Variants in PRKD1 observed in about 807,000 individuals in gnomAD.
PRKD1 encodes serine/threonine-protein kinase D1.
Under a neutral mutation model 95.9 loss-of-function variants are expected in PRKD1, and 63 were observed. The observed-to-expected ratio is 0.66, with a 90% CI of 0.54 to 0.81. The LOEUF is 0.81. PRKD1 is among the 30% of genes least tolerant of loss of function. The probability of loss-of-function intolerance (pLI) is 0.00; values close to 1 mark genes in which losing one functional copy is unlikely to be tolerated. For synonymous variants in PRKD1, 425 were observed against 423.1 expected (o/e 1.00, Z -0.05); for missense variants, 1,048 against 1,165.3 (o/e 0.90, Z 1.47).
intron 2 of PRKD1, among the ~76,000 whole-genome samples, chr14:29,707,132 T>A (rs1885129524): frequency 6.6e-6 from 1 of 152,138 alleles, no homozygotes; most frequent in South Asian, 2.1e-4. Flanking sequence ...AGAAGTCAAA[T>A]CACAAACAAT....
At chr14:29,749,637 G>A (rs899329752) in intron 1 of PRKD1, among the ~76,000 whole-genome samples, 1 of 152,140 alleles carries the variant, frequency 6.6e-6, no homozygotes, top group African/African-American at 2.4e-5. Flanking sequence ...CCTTATCCAT[G>A]TGTATATAAA....
rs1566672106 is a variant in PRKD1 at position 29,919,986 on chromosome 14, A to AGAGAGAGAGAGAG, written c.264+7262_264+7263insCTCTCTCTCTCTC. ...TGAGAAAGAGAGAGAGAGAGAGAGA[A>AGAGAGAGAGAGAG]AGAGAGGAAGGAAGGTAGGAAGGAA... On this transcript the variant is annotated intron_variant, in intron 1 of 17. Coordinates refer to ENST00000331968, the MANE Select transcript of PRKD1 (RefSeq NM_002742.3). Among the ~76,000 whole-genome samples the AGAGAGAGAGAGAG allele has an allele frequency of 4.6e-3, 656 of 142,736 alleles. 18 individuals carry two copies. Among genetic ancestry groups the AGAGAGAGAGAGAG allele is most frequent in the African/African-American group, 0.016 (614 of 37,968 alleles). The allele number at this position is 142,736 out of a possible 152,430, so 93.6% of individuals were successfully genotyped here. A position where few individuals can be genotyped will look rare whatever the true frequency, so the allele number is the denominator to read the frequency against.
chr14:29,611,521 T>C (rs192838105), intron 13 of PRKD1, among the ~76,000 whole-genome samples: 1 of 152,134 alleles, frequency 6.6e-6, no homozygotes. Context: ...CCTGAATGCA[T>C]GCATCCCAGT....
intron 2 of PRKD1, among the ~76,000 whole-genome samples, chr14:29,718,453 T>C (rs557712711): frequency 6.6e-6 from 1 of 152,274 alleles, no homozygotes; most frequent in East Asian, 1.9e-4. Flanking sequence ...CTTTATAAAT[T>C]ACCCAGTCTC....
chr14:29,598,463 C>A (rs1372428793), intron 15 of PRKD1, among the ~76,000 whole-genome samples: 4 of 152,016 alleles, frequency 2.6e-5, no homozygotes, highest in Non-Finnish European at 5.9e-5. Flanking sequence ...ATGACCTTCA[C>A]TCAAGCGCTT....
chr14:29,741,693 C>T (rs1228721077), intron 1 of PRKD1, among the ~76,000 whole-genome samples: 3 of 152,046 alleles, frequency 2.0e-5, no homozygotes, highest in African/African-American at 4.8e-5. Context: ...TACAGCTCCA[C>T]ATGATTTCTA....
intron 1 of PRKD1, among the ~76,000 whole-genome samples, chr14:29,911,883 G>A (rs972924552): frequency 5.3e-5 from 8 of 152,104 alleles, no homozygotes; most frequent in African/African-American, 1.7e-4. Flanking sequence ...TATGTTCCTT[G>A]GCTCATGAGC....
At chr14:29,825,122 T>C (rs1891059429) in intron 1 of PRKD1, among the ~76,000 whole-genome samples, 1 of 152,098 alleles carries the variant, frequency 6.6e-6, no homozygotes. Flanking sequence ...CAGTTTTCCT[T>C]AATGTGGAAT....
rs527446698 is a variant in PRKD1, at chr14:29,777,483, G to A, written c.265-51809C>T. Among the ~76,000 whole-genome samples, 1,449 of 152,194 alleles carry A rather than the reference G, an allele frequency of 9.5e-3. 8 individuals carry two copies. The highest frequency in any genetic ancestry group is 0.012 in the Non-Finnish European group (829 of 68,012). Reference sequence around the variant, plus strand: ...GCAAATGGAAAACAAAAAAAAGCAGGGGTTGCAATCCTAGCCTCTGATAAA... The same window carrying A: ...GCAAATGGAAAACAAAAAAAAGCAGAGGTTGCAATCCTAGCCTCTGATAAA... On this transcript the variant is annotated intron_variant, in intron 1 of 17. Transcript: ENST00000331968.
intron 1 of PRKD1, among the ~76,000 whole-genome samples, chr14:29,885,096 C>A (rs896553857): frequency 6.7e-6 from 1 of 148,388 alleles, no homozygotes; most frequent in Non-Finnish European, 1.5e-5. Flanking sequence ...GCACTCCCCC[C>A]TGGGCAACAG....
At chr14:29,818,078 T>C (rs781282760) in intron 1 of PRKD1, among the ~76,000 whole-genome samples, 1 of 152,232 alleles carries the variant, frequency 6.6e-6, no homozygotes, top group Admixed American at 6.5e-5. Flanking sequence ...TATGACAATT[T>C]GACTGCACTG....
At chr14:29,662,425 T>C (rs1387521696) in intron 4 of PRKD1, among the ~76,000 whole-genome samples, 1 of 152,256 alleles carries the variant, frequency 6.6e-6, no homozygotes, top group Non-Finnish European at 1.5e-5. Flanking sequence ...TAGAACTTCA[T>C]GGAATAATAT....
intron 2 of PRKD1, among the ~76,000 whole-genome samples, chr14:29,671,400 G>T (rs1224029109): frequency 6.6e-6 from 1 of 152,168 alleles, no homozygotes; most frequent in Admixed American, 6.6e-5. Context: ...AAGGCCAAAA[G>T]AAGGAAAAGC....
At chr14:29,887,307 C>T (rs1376155546) in intron 1 of PRKD1, among the ~76,000 whole-genome samples, 5 of 152,124 alleles carry the variant, frequency 3.3e-5, no homozygotes, top group African/African-American at 1.2e-4. Context: ...AGAGGTGTGA[C>T]AGGTACACAA....
intron 1 of PRKD1, among the ~76,000 whole-genome samples, chr14:29,804,256 A>G (rs1416691975): frequency 6.6e-6 from 1 of 151,722 alleles, no homozygotes; most frequent in African/African-American, 2.4e-5. Context: ...AAAAAAATGT[A>G]TGCAAAAGGC....
At chr14:29,911,466 T>C (rs1427682696) in intron 1 of PRKD1, among the ~76,000 whole-genome samples, 1 of 152,214 alleles carries the variant, frequency 6.6e-6, no homozygotes, top group East Asian at 1.9e-4. Context: ...TTTCTTCACA[T>C]AAAACTATCC....
chr14:29,598,694 C>T (rs559270582), intron 15 of PRKD1, among the ~76,000 whole-genome samples: 1 of 152,276 alleles, frequency 6.6e-6, no homozygotes. Context: ...AAAGTTTTGC[C>T]CTTGTCCTTG....
At chr14:29,889,437 G>A (rs188586824) in intron 1 of PRKD1, among the ~76,000 whole-genome samples, 29 of 152,308 alleles carry the variant, frequency 1.9e-4, no homozygotes, top group Admixed American at 5.9e-4. Context: ...CACCTCACCC[G>A]GGGAGCAAGG....
intron 1 of PRKD1, among the ~76,000 whole-genome samples, chr14:29,767,000 C>G (rs1193803356): frequency 6.6e-6 from 1 of 152,070 alleles, no homozygotes; most frequent in African/African-American, 2.4e-5. Context: ...ATGACACACT[C>G]TCAAAAAAGG....
Sources: gnomAD v4.1 joint callset for allele counts (sites outside exome capture counted in the v4.1 genomes callset) on GRCh38, gnomAD v4.1.1 for gene constraint, MANE v1.5 for transcripts, NCBI Gene and HGNC (gene_info 2026-07-23, HGNC 2026-07-21) for gene names.